IL2RB: variants seen among roughly 807,000 people sequenced by gnomAD.
The protein encoded by IL2RB is interleukin 2 receptor subunit beta.
IL2RB carries 17 observed loss-of-function variants against 44.2 expected under a neutral mutation model. The observed-to-expected ratio is 0.38, with a 90% CI of 0.26 to 0.58. IL2RB has a LOEUF of 0.58. Among genes scored for constraint, IL2RB ranks in the 20% least tolerant of loss-of-function variants. The probability of loss-of-function intolerance (pLI) is 0.63; values close to 1 mark genes in which losing one functional copy is unlikely to be tolerated. For synonymous variants in IL2RB, 286 were observed against 297.9 expected (o/e 0.96, Z 0.41); for missense variants, 624 against 685.5 (o/e 0.91, Z 1.00).
Position 37,142,515 on chromosome 22 carries a change from T to C in IL2RB, c.204-3A>G. On this transcript the variant is annotated splice_region_variant and splice_polypyrimidine_tract_variant and intron_variant, in intron 3 of 9. Transcript: ENST00000216223. ...GCTCACAGGTTTGGTTCCACCGCCT[T>C]TCATGGCAAAAGACCCTCTTTAGAA... is the stretch of plus-strand genomic sequence containing the variant. 6.2e-7 allele frequency: 1 copy of C among 1,614,086 alleles called. No homozygotes were observed. The highest frequency in any genetic ancestry group is 1.1e-5 in the South Asian group (1 of 91,074).
At chr22:37,156,495 G>A (rs1922684318) in intron 1 of IL2RB, among the ~76,000 whole-genome samples, 1 of 152,152 alleles carries the variant, frequency 6.6e-6, no homozygotes, top group Admixed American at 6.5e-5. Flanking sequence ...CTTGCTACTA[G>A]GGTCTCTTCA....
Position 37,149,838 on chromosome 22 carries a change from G to T in IL2RB, c.-47C>A. 1 of 985,582 alleles carries T rather than the reference G, an allele frequency of 1.0e-6. No homozygotes were observed. The allele number at this position is 985,582 out of a possible 1,614,324, so 61.1% of individuals were successfully genotyped here. ...GGGGGACATCACCTGGCTGAGACATGGGGCGGTGGCAGCGCGCGCTCTCCA... is the reference window on the plus strand; with the variant it reads ...GGGGGACATCACCTGGCTGAGACATTGGGCGGTGGCAGCGCGCGCTCTCCA... On this transcript the variant is annotated 5_prime_UTR_variant, in exon 1 of 10. Transcript: ENST00000216223.
At chr22:37,159,044 C>T (rs1016043397) in intron 1 of IL2RB, among the ~76,000 whole-genome samples, 1 of 152,222 alleles carries the variant, frequency 6.6e-6, no homozygotes, top group African/African-American at 2.4e-5. Flanking sequence ...CAACGGTTTC[C>T]GCTTTTCCTG....
intron 6 of IL2RB, among the ~76,000 whole-genome samples, chr22:37,136,733 C>T (rs1417311172): frequency 6.6e-6 from 1 of 152,174 alleles, no homozygotes; most frequent in African/African-American, 2.4e-5. Flanking sequence ...CCGTGCCCCG[C>T]TGCAGTCTAG....
In IL2RB at chr22:37,142,834, G is replaced by A. The variant is rs567734967; in HGVS notation, c.204-322C>T. 20 of 469,186 alleles carry A rather than the reference G, an allele frequency of 4.3e-5. No homozygotes were observed. The East Asian group carries it at 5.7e-4, about 13-fold the overall frequency. The allele number at this position is 469,186 out of a possible 1,614,324, so 29.1% of individuals were successfully genotyped here. A position where few individuals can be genotyped will look rare whatever the true frequency, so the allele number is the denominator to read the frequency against. On this transcript the variant is annotated intron_variant, in intron 3 of 9. Coordinates refer to ENST00000216223, the MANE Select transcript of IL2RB (RefSeq NM_000878.5). ...CTCCATGAGGCTTAGGATGAAGATAGATCCTTAATTAGGCCTTCAGAGCCG... is the reference window on the plus strand; with the variant it reads ...CTCCATGAGGCTTAGGATGAAGATAAATCCTTAATTAGGCCTTCAGAGCCG...
Position 37,144,147 on chromosome 22 carries a change from C to T in IL2RB, c.26G>A (p.Arg9His), listed in dbSNP as rs147593802. 6.1e-4 allele frequency: 954 copies of T among 1,551,854 alleles called. No homozygotes were observed. Among genetic ancestry groups the T allele is most frequent in the Non-Finnish European group, 7.7e-4 (879 of 1,147,104 alleles). Residue 9 changes from arginine (R) to histidine (H), a missense_variant, in exon 2 of 10, where the codon CGT becomes CAT. By Grantham distance (29) the Arg-to-His change is conservative. Transcript: ENST00000216223. ...CAGGAGGAGGATGAGGAGGGGCAGA[C>T]GCCAGGACAGAGCAGGGGCCGCCAT... Reference protein sequence around the residue: MAAPALSWRLPLLILLLPL... With the variant: MAAPALSWHLPLLILLLPL...
chr22:37,128,324 G>A lies in IL2RB; in HGVS notation c.1428C>T (p.Thr476=), dbSNP rs202199075. 2.7e-6 allele frequency: 4 copies of A among 1,504,244 alleles called. No individual in the cohort carries two copies. The highest frequency in any genetic ancestry group is 3.5e-6 in the Non-Finnish European group (4 of 1,127,208). 93.2% of individuals were successfully genotyped at this position (1,504,244 alleles called of 1,614,324 possible). A position where few individuals can be genotyped will look rare whatever the true frequency, so the allele number is the denominator to read the frequency against. ...AATCCACCAGGTCTGGGACTCCTGG[G>A]GTGGGAGGCCCCAGGGGCTGGGGGT... ...DWDPQPLGPP[T]PGVPDLVDFQ... Residue 476 remains threonine (T), a synonymous_variant, in exon 10 of 10, where the codon ACC becomes ACT. Transcript: ENST00000216223. This position sits in a 1 kb window ranked among gnomAD's most constrained non-coding sequence, Gnocchi z 4.5.
intron 1 of IL2RB, among the ~76,000 whole-genome samples, chr22:37,166,379 G>A (rs1281835134): frequency 2.0e-5 from 3 of 152,336 alleles, no homozygotes; most frequent in African/African-American, 7.2e-5. Flanking sequence ...CGGAGCCTGC[G>A]CTTCCTGGGC....
intron 6 of IL2RB, among the ~76,000 whole-genome samples, chr22:37,137,224 G>C (rs1921753498): frequency 6.6e-6 from 1 of 152,252 alleles, no homozygotes; most frequent in African/African-American, 2.4e-5. Context: ...ATGAGTGTAA[G>C]TGAATGAATA....
intron 6 of IL2RB, 29 bp from the exon 7 acceptor site, chr22:37,136,422 C>G (rs1249194554): frequency 3.1e-6 from 5 of 1,588,316 alleles, no homozygotes; most frequent in Non-Finnish European, 4.3e-6. Context: ...TGTCAGCGCC[C>G]ACCTCACCTC....
chr22:37,164,274 G>C (rs148170445), intron 1 of IL2RB, among the ~76,000 whole-genome samples: 174 of 152,170 alleles, frequency 1.1e-3, no homozygotes, highest in African/African-American at 3.9e-3. Context: ...CAGGCGTCAG[G>C]GCCCAGAAGA....
chr22:37,128,274 A>C lies in IL2RB; in HGVS notation c.1478T>G (p.Leu493Arg). ...VDFQPPPELV[L>R]REAGEEVPDA... ...AGGGACCTCCTCCCCAGCCTCTCGCAGCACCAGCTCAGGGGGTGGCTGAAA... is the reference window on the plus strand; with the variant it reads ...AGGGACCTCCTCCCCAGCCTCTCGCCGCACCAGCTCAGGGGGTGGCTGAAA... Residue 493 changes from leucine to arginine, a missense_variant, in exon 10 of 10, where the codon CTG (leucine) becomes CGG (arginine). Physicochemically the swap from Leu to Arg is moderately radical, Grantham distance 102. Transcript: ENST00000216223. This position sits in a 1 kb window ranked among gnomAD's most constrained non-coding sequence, Gnocchi z 4.5. 2 of 1,498,470 alleles carry C rather than the reference A, an allele frequency of 1.3e-6. No individual in the cohort carries two copies. The highest frequency in any genetic ancestry group is 8.9e-7 in the Non-Finnish European group (1 of 1,124,752). 92.8% of individuals were successfully genotyped at this position (1,498,470 alleles called of 1,614,324 possible). A position where few individuals can be genotyped will look rare whatever the true frequency, so the allele number is the denominator to read the frequency against.
At chr22:37,157,898 A>G (rs939258566) in intron 1 of IL2RB, among the ~76,000 whole-genome samples, 2 of 152,232 alleles carry the variant, frequency 1.3e-5, no homozygotes, top group East Asian at 3.8e-4. Flanking sequence ...CAAAAGTGCT[A>G]AGTCCCTAAT....
intron 1 of IL2RB, among the ~76,000 whole-genome samples, chr22:37,157,893 G>C (rs957883906): frequency 6.6e-6 from 1 of 152,198 alleles, no homozygotes; most frequent in African/African-American, 2.4e-5. Context: ...AGAATCAAAA[G>C]TGCTAAGTCC....
Position 37,126,279 on chromosome 22 carries a change from C to A in IL2RB, c.*1817G>T, listed in dbSNP as rs1171778797. ...AATTCAGCTTTTTTCAAGGCATAGA[C>A]CCAAGACTCAGACAACCTCAAGAAA... On this transcript the variant is annotated 3_prime_UTR_variant, in exon 10 of 10. Transcript: ENST00000216223. 6.6e-6 allele frequency: 1 copy of A among 152,148 alleles called. No homozygotes were observed. Among genetic ancestry groups the A allele is most frequent in the African/African-American group, 2.4e-5 (1 of 41,412 alleles). The allele number at this position is 152,148 out of a possible 1,614,324, so 9.4% of individuals were successfully genotyped here.
chr22:37,152,589 G>A (rs560067043), upstream of IL2RB, among the ~76,000 whole-genome samples: 2 of 152,224 alleles, frequency 1.3e-5, no homozygotes, highest in Middle Eastern at 6.8e-3. Context: ...GTTCTAGCTA[G>A]CACTTCCCAG....
intron 1 of IL2RB, among the ~76,000 whole-genome samples, chr22:37,146,859 C>A (rs1182469066): frequency 6.6e-6 from 1 of 152,062 alleles, no homozygotes; most frequent in African/African-American, 2.4e-5. Flanking sequence ...TGGATTGTCT[C>A]GTGGCTTACA....
At chr22:37,165,489 TATAGCAGCCACAAAA>T (rs960387831) in intron 1 of IL2RB, among the ~76,000 whole-genome samples, 3 of 152,080 alleles carry the variant, frequency 2.0e-5, no homozygotes, top group African/African-American at 7.2e-5. Flanking sequence ...GGCTGGGAGT[TATAGCAGCCACAAAA>T]GATGCCCAAG....
In IL2RB at chr22:37,136,384, G is replaced by A; in HGVS notation, c.547C>T (p.Leu183=). The change falls in exon 7 of 10, where the codon CTG becomes TTG. Residue 183 remains leucine, a synonymous_variant. Transcript: ENST00000216223. ...SPGHTWEEAP[L]LTLKQKQEWI... ...TCCTGCTTCTGCTTGAGAGTCAGCA[G>A]GGGGGCCTCCTGGGTCGGAGACAGG... 6.2e-7 allele frequency: 1 copy of A among 1,609,510 alleles called. No homozygotes were observed. Among genetic ancestry groups the A allele is most frequent in the Non-Finnish European group, 8.5e-7 (1 of 1,178,246 alleles).
Sources: allele counts gnomAD v4.1 joint callset (sites outside exome capture counted in the v4.1 genomes callset), GRCh38; gene constraint gnomAD v4.1.1; non-coding constraint Gnocchi (gnomAD v3.1); transcripts MANE v1.5; gene names NCBI Gene and HGNC (gene_info 2026-07-23, HGNC 2026-07-21).